The following IL1RAPL2 variants were observed in gnomAD, a reference collection of about 807,000 sequenced individuals.
IL1RAPL2 encodes interleukin 1 receptor accessory protein like 2.
IL1RAPL2 carries 3 observed loss-of-function variants against 44.1 expected under a neutral mutation model. The observed-to-expected ratio is 0.07, with a 90% CI of 0.03 to 0.18. The LOEUF is 0.18. IL1RAPL2 is among the 10% of genes least tolerant of loss of function. IL1RAPL2 has a pLI of 1.00. For synonymous variants in IL1RAPL2, 181 were observed against 178.8 expected, an observed-to-expected ratio of 1.01 and a Z score of -0.10; for missense variants, 391 against 496.4, an observed-to-expected ratio of 0.79 and a Z score of 2.02.
At chrX:105,486,372 CA>C (rs1360999348) in intron 6 of IL1RAPL2, among the ~76,000 whole-genome samples, 1 of 111,645 alleles carries the variant, frequency 9.0e-6, no homozygotes, top group African/African-American at 3.3e-5. Flanking sequence ...GCATTTTAAA[CA>C]AAACAAAAAG....
At chrX:105,251,817 G>T (rs887394286) in intron 4 of IL1RAPL2, among the ~76,000 whole-genome samples, 1 of 110,514 alleles carries the variant, frequency 9.0e-6, no homozygotes, top group South Asian at 3.8e-4. Flanking sequence ...AAAGTTTAAT[G>T]ATTAAAGTCT....
chrX:104,786,392 A>G (rs1161924728), intron 2 of IL1RAPL2, among the ~76,000 whole-genome samples: 1 of 112,082 alleles, frequency 8.9e-6, no homozygotes, highest in Non-Finnish European at 1.9e-5. Context: ...AAATTATCAT[A>G]TAGTTAAAAC....
intron 2 of IL1RAPL2, among the ~76,000 whole-genome samples, chrX:105,009,541 T>C (rs1353295106): frequency 2.2e-5 from 2 of 92,265 alleles, no homozygotes; most frequent in African/African-American, 8.5e-5. Flanking sequence ...TAGGTGGGAA[T>C]TGAACAATGA....
intron 6 of IL1RAPL2, among the ~76,000 whole-genome samples, chrX:105,553,335 T>C (rs1012459517): frequency 8.9e-6 from 1 of 111,799 alleles, no homozygotes; most frequent in Non-Finnish European, 1.9e-5. Context: ...AAGGAGGGCA[T>C]GTTGGGATCT....
chrX:104,664,220 C>A (rs1930449887), intron 2 of IL1RAPL2, among the ~76,000 whole-genome samples: 2 of 111,386 alleles, frequency 1.8e-5, no homozygotes, highest in African/African-American at 3.3e-5. Flanking sequence ...GGTCGTTCCG[C>A]AATGATAAGC....
At chrX:104,911,190 G>A (rs1924227165) in intron 2 of IL1RAPL2, among the ~76,000 whole-genome samples, 2 of 111,537 alleles carry the variant, frequency 1.8e-5, no homozygotes, top group Admixed American at 1.9e-4. Context: ...AGGCTTATGT[G>A]ATTAGATGAT....
chrX:105,353,746 T>C (rs1389782342), intron 5 of IL1RAPL2, among the ~76,000 whole-genome samples: 1 of 111,268 alleles, frequency 9.0e-6, no homozygotes, highest in Admixed American at 9.6e-5. Flanking sequence ...CTGTTATTGG[T>C]GTATAAGAAT....
intron 3 of IL1RAPL2, among the ~76,000 whole-genome samples, chrX:105,197,757 C>CTT (rs781888965): frequency 0.013 from 1,379 of 104,585 alleles, 26 homozygotes; most frequent in African/African-American, 0.046. Context: ...CAACTGATAG[C>CTT]TTTTTTTTTT....
intron 5 of IL1RAPL2, among the ~76,000 whole-genome samples, chrX:105,379,175 C>T (rs756545865): frequency 2.7e-5 from 3 of 111,490 alleles, no homozygotes; most frequent in Admixed American, 9.6e-5. Context: ...AGAATGTTAT[C>T]GGTAATTTCA....
At chrX:105,531,526 A>AT (rs978120912) in intron 6 of IL1RAPL2, among the ~76,000 whole-genome samples, 6 of 110,195 alleles carry the variant, frequency 5.4e-5, no homozygotes, top group African/African-American at 1.6e-4. Flanking sequence ...TGTTGGTTAT[A>AT]TTTTTTTTGG....
At chrX:105,030,633 T>C (rs756897646) in intron 2 of IL1RAPL2, among the ~76,000 whole-genome samples, 2 of 111,724 alleles carry the variant, frequency 1.8e-5, no homozygotes, top group African/African-American at 6.5e-5. Context: ...GTACCATGCT[T>C]TTTTGGTTAC....
chrX:104,758,571 C>T (rs868534436), intron 2 of IL1RAPL2, among the ~76,000 whole-genome samples: 3 of 110,961 alleles, frequency 2.7e-5, no homozygotes, highest in African/African-American at 6.5e-5. Flanking sequence ...AGATGTAGGA[C>T]GGTTGATACA....
At chrX:104,585,403 T>TATATATTATATATAATATATA (rs1928540150) in intron 1 of IL1RAPL2, among the ~76,000 whole-genome samples, 2 of 15,419 alleles carry the variant, frequency 1.3e-4, no homozygotes, top group Non-Finnish European at 1.9e-4. Flanking sequence ...TAATATATAA[T>TATATATTATATATAATATATA]ATATATATAA....
intron 6 of IL1RAPL2, among the ~76,000 whole-genome samples, chrX:105,628,348 A>G (rs1382988341): frequency 9.0e-6 from 1 of 111,169 alleles, no homozygotes; most frequent in Non-Finnish European, 1.9e-5. Flanking sequence ...TAACTTTTAC[A>G]GTCTGCTGTC....
At chrX:105,672,756 C>A (rs932058958) in intron 6 of IL1RAPL2, among the ~76,000 whole-genome samples, 1 of 112,244 alleles carries the variant, frequency 8.9e-6, no homozygotes, top group Non-Finnish European at 1.9e-5. Flanking sequence ...CCTTTGCTGG[C>A]ATGGGCAGGG....
chrX:104,713,793 C>T, intron 2 of IL1RAPL2, among the ~76,000 whole-genome samples: 1 of 110,425 alleles, frequency 9.1e-6, no homozygotes, highest in Non-Finnish European at 1.9e-5. Flanking sequence ...GCTTAGACTG[C>T]TTTGATCTGA....
chrX:105,733,496 A>G (rs182173084), intron 7 of IL1RAPL2, among the ~76,000 whole-genome samples: 1 of 111,395 alleles, frequency 9.0e-6, no homozygotes. Flanking sequence ...TATTATATGC[A>G]TATTACTTCT....
intron 5 of IL1RAPL2, among the ~76,000 whole-genome samples, chrX:105,442,742 G>A (rs1361066609): frequency 8.9e-6 from 1 of 112,363 alleles, no homozygotes; most frequent in Non-Finnish European, 1.9e-5. Context: ...ATTGGCATAT[G>A]CCACATGCTG....
intron 2 of IL1RAPL2, among the ~76,000 whole-genome samples, chrX:104,745,331 C>T (rs1446758690): frequency 1.8e-5 from 2 of 112,290 alleles, no homozygotes; most frequent in Admixed American, 9.4e-5. Context: ...ACTGGAGTCA[C>T]ATGCCTGCAG....
Sources: gnomAD v4.1 joint callset for allele counts (sites outside exome capture counted in the v4.1 genomes callset) on GRCh38, gnomAD v4.1.1 for gene constraint, MANE v1.5 for transcripts, NCBI Gene and HGNC (gene_info 2026-07-23, HGNC 2026-07-21) for gene names.